The following ADGRA1 variants were observed in gnomAD, a reference collection of about 807,000 sequenced individuals.
The protein encoded by ADGRA1 is adhesion G protein-coupled receptor A1, also known as G-protein coupled receptor 123.
Under a neutral mutation model 21.3 loss-of-function variants are expected in ADGRA1, and 12 were observed. The ratio of observed to expected loss-of-function variants is 0.56; its 90% CI spans 0.36 to 0.91. The LOEUF is 0.91. Among genes scored for constraint, ADGRA1 ranks in the 40% least tolerant of loss-of-function variants. ADGRA1 has a pLI of 0.01. For missense variants in ADGRA1, 790 were observed against 805.6 expected (o/e 0.98, Z 0.23); for synonymous variants, 385 against 368.8 (o/e 1.04, Z -0.50).
intron 3 of ADGRA1, among the ~76,000 whole-genome samples, chr10:133,097,833 A>G (rs1390085056): frequency 6.6e-6 from 1 of 152,168 alleles, no homozygotes; most frequent in African/African-American, 2.4e-5. Context: ...CTCCAGGCTC[A>G]CAGACGGCAC....
chr10:133,099,859 C>T (rs1291304946), intron 4 of ADGRA1, among the ~76,000 whole-genome samples: 9 of 152,216 alleles, frequency 5.9e-5, no homozygotes, highest in African/African-American at 2.2e-4. Context: ...CCTGCAGTTT[C>T]TGGAACCCTC....
chr10:133,119,862 T>A (rs1214887188), intron 5 of ADGRA1, among the ~76,000 whole-genome samples: 1 of 152,238 alleles, frequency 6.6e-6, no homozygotes, highest in East Asian at 1.9e-4. Context: ...AGATGTGCTG[T>A]CACCAGGCTT....
chr10:133,092,379 G>A (rs951922651), intron 2 of ADGRA1, among the ~76,000 whole-genome samples: 2 of 152,156 alleles, frequency 1.3e-5, no homozygotes, highest in African/African-American at 2.4e-5. Flanking sequence ...TAGAAAGAAA[G>A]CGTCTATGAT....
At chr10:133,101,135 C>G (rs781445110) in intron 4 of ADGRA1, among the ~76,000 whole-genome samples, 1 of 152,190 alleles carries the variant, frequency 6.6e-6, no homozygotes, top group Non-Finnish European at 1.5e-5. Context: ...ACCTGAGGGT[C>G]TAGTAAAAAC....
chr10:133,101,795 C>G (rs1018148826), intron 4 of ADGRA1, among the ~76,000 whole-genome samples: 1 of 152,160 alleles, frequency 6.6e-6, no homozygotes, highest in Non-Finnish European at 1.5e-5. Flanking sequence ...TGGAGCCCCC[C>G]GGGGGCTGCT....
At chr10:133,107,403 G>A (rs867784844) in intron 5 of ADGRA1, among the ~76,000 whole-genome samples, 5 of 151,808 alleles carry the variant, frequency 3.3e-5, no homozygotes, top group Middle Eastern at 3.4e-3. Context: ...TTTCTTTGTC[G>A]GTCTAGCTAA....
At chr10:133,126,657 G>A (rs1308817313) in intron 5 of ADGRA1, among the ~76,000 whole-genome samples, 1 of 152,224 alleles carries the variant, frequency 6.6e-6, no homozygotes. Flanking sequence ...CAGAGGGGAA[G>A]GTCAGCCCCT....
rs1042452530 is a variant in ADGRA1, at chr10:133,088,068, G to A, written c.-273G>A. The A allele has an allele frequency of 3.0e-6, 3 of 985,114 alleles. No homozygotes were observed. Among genetic ancestry groups the A allele is most frequent in the Non-Finnish European group, 3.6e-6 (3 of 829,816 alleles). The allele number at this position is 985,114 out of a possible 1,614,324, so 61.0% of individuals were successfully genotyped here. On this transcript the variant is annotated 5_prime_UTR_variant, in exon 1 of 7. Transcript: ENST00000392607. ...CGCGAATGGAGAGCGGGTCCCCGGC[G>A]GGGGGAGCGCAGCGCGTCTGTCTCC... is the stretch of plus-strand genomic sequence containing the variant.
At chr10:133,127,427 A>AT in intron 6 of ADGRA1, 96 bp downstream of exon 6, 1 of 941,562 alleles carries the variant, frequency 1.1e-6, no homozygotes, top group Non-Finnish European at 1.6e-6. Flanking sequence ...GCCCAGGACG[A>AT]AGCAGCAAGG....
chr10:133,117,500 G>C (rs1013830611), intron 5 of ADGRA1, among the ~76,000 whole-genome samples: 25 of 152,226 alleles, frequency 1.6e-4, no homozygotes, highest in Admixed American at 1.4e-3. Context: ...GCAGAGCCCG[G>C]GAGACTGCCT....
At chr10:133,104,527 C>T (rs1226248537) in intron 5 of ADGRA1, among the ~76,000 whole-genome samples, 3 of 152,146 alleles carry the variant, frequency 2.0e-5, no homozygotes, top group Non-Finnish European at 4.4e-5. Context: ...GCGGACCCAG[C>T]GACGGCAAGG....
intron 2 of ADGRA1, among the ~76,000 whole-genome samples, chr10:133,092,746 G>GAA (rs1851615651): frequency 2.4e-5 from 2 of 82,750 alleles, no homozygotes; most frequent in East Asian, 3.5e-4. Context: ...GGAGAAATAG[G>GAA]GAGGGAGGAA....
At chr10:133,088,204 T>A in intron 1 of ADGRA1, 66 bp downstream of exon 1, 1 of 781,326 alleles carries the variant, frequency 1.3e-6, no homozygotes, top group Non-Finnish European at 1.6e-6. Flanking sequence ...GCAGAAAAGC[T>A]CGCGCCCCGA....
In ADGRA1 at chr10:133,107,549, G is replaced by A. The variant is rs1032836631; in HGVS notation, c.401+4707G>A. Among the ~76,000 whole-genome samples, 4 of 152,092 alleles carry A rather than the reference G, an allele frequency of 2.6e-5. No homozygotes were observed. In the South Asian group the frequency reaches 6.2e-4, roughly 24 times the overall value. On this transcript the variant is annotated intron_variant, in intron 5 of 6. Transcript: ENST00000392607. ...CTTTCTTCTGTTAGCATTGGATTTA[G>A]CTTGCTCTTCTCTTTTCAGGTTTCT... is the stretch of plus-strand genomic sequence containing the variant.
intron 2 of ADGRA1, among the ~76,000 whole-genome samples, chr10:133,094,365 G>A (rs1022891460): frequency 5.9e-5 from 9 of 152,192 alleles, no homozygotes; most frequent in African/African-American, 1.2e-4. Flanking sequence ...TGGAGGCAGC[G>A]GGACAGGACG....
At chr10:133,112,954 G>A (rs368649528) in intron 5 of ADGRA1, among the ~76,000 whole-genome samples, 5 of 144,816 alleles carry the variant, frequency 3.5e-5, no homozygotes, top group Admixed American at 1.4e-4. Context: ...GGGCTGTGTC[G>A]GTTATTTGGG....
chr10:133,129,330 G>C lies in ADGRA1; in HGVS notation c.1502G>C (p.Gly501Ala). The change falls in exon 7 of 7, where the codon GGC becomes GCC. Residue 501 changes from glycine (G) to alanine (A), a missense_variant. Physicochemically the swap from Gly to Ala is moderately conservative, Grantham distance 60. Around this residue, in one of 3 missense-constraint regions of ADGRA1, gnomAD observed 391 missense variants for 351.5 expected, o/e 1.11. Transcript: ENST00000392607. ...PALYSCPTQP[G>A]REAALGPGHL... is the part of the protein sequence containing the mutation. The stretch of plus-strand genomic sequence containing the variant: ...CTCTACAGCTGCCCCACGCAGCCGG[G>C]CAGGGAGGCAGCGCTCGGGCCCGGC... 1.3e-6 allele frequency: 2 copies of C among 1,569,506 alleles called. No homozygotes were observed. Among genetic ancestry groups the C allele is most frequent in the Non-Finnish European group, 1.7e-6 (2 of 1,158,874 alleles).
At chr10:133,115,897 T>C (rs541044901) in intron 5 of ADGRA1, among the ~76,000 whole-genome samples, 3 of 151,852 alleles carry the variant, frequency 2.0e-5, no homozygotes, top group Non-Finnish European at 2.9e-5. Context: ...CCAGAGACCC[T>C]GCCCCAGGGG....
intron 5 of ADGRA1, among the ~76,000 whole-genome samples, chr10:133,108,308 A>G (rs1403965779): frequency 6.6e-6 from 1 of 152,336 alleles, no homozygotes; most frequent in East Asian, 1.9e-4. Flanking sequence ...GCCTTTGGCC[A>G]ACAGAAGTGT....
Sources: gnomAD v4.1 joint callset for allele counts (sites outside exome capture counted in the v4.1 genomes callset) on GRCh38, gnomAD v4.1.1 for gene constraint, gnomAD v4.1.1 regional missense constraint, MANE v1.5 for transcripts, NCBI Gene and HGNC (gene_info 2026-07-23, HGNC 2026-07-21) for gene names.